The following HNF4G variants were observed in gnomAD, a reference collection of about 807,000 sequenced individuals.
HNF4G encodes the protein hepatocyte nuclear factor 4-gamma.
Under a neutral mutation model 50.9 loss-of-function variants are expected in HNF4G, and 21 were observed. That is an observed-to-expected ratio of 0.41 (90% CI 0.29 to 0.59). The LOEUF (loss-of-function observed/expected upper bound fraction) is 0.59. Among genes scored for constraint, HNF4G ranks in the 20% least tolerant of loss-of-function variants. HNF4G has a pLI of 0.26. For missense variants in HNF4G, 527 were observed against 559.4 expected, an observed-to-expected ratio of 0.94 and a Z score of 0.58; for synonymous variants, 198 against 185.6, an observed-to-expected ratio of 1.07 and a Z score of -0.54.
At chr8:75,546,771 G>A (rs1479051150) in intron 2 of HNF4G, among the ~76,000 whole-genome samples, 1 of 152,052 alleles carries the variant, frequency 6.6e-6, no homozygotes, top group African/African-American at 2.4e-5. Flanking sequence ...TCTATTATCA[G>A]TTGATAGGCA....
chr8:75,526,105 A>AATGT (rs1554577817), intron 2 of HNF4G, among the ~76,000 whole-genome samples: 1 of 143,818 alleles, frequency 7.0e-6, no homozygotes, highest in Non-Finnish European at 1.5e-5. Flanking sequence ...TACTTGCTCA[A>AATGT]ATTTATTTAT....
chr8:75,500,099 G>A (rs1812887367), intron 2 of HNF4G, among the ~76,000 whole-genome samples: 1 of 152,062 alleles, frequency 6.6e-6, no homozygotes, highest in African/African-American at 2.4e-5. Context: ...CATCGAATGG[G>A]AGATAATGTT....
intron 2 of HNF4G, 72 bp downstream of exon 2, chr8:75,544,051 G>A: frequency 7.4e-7 from 1 of 1,351,026 alleles, no homozygotes; most frequent in Non-Finnish European, 1.0e-6. Context: ...AGTAAGAGAA[G>A]AAAATTCAGA....
At position 75,461,870 on chromosome 8, in the gene HNF4G, C is replaced by CT. The variant is rs1811854252; in HGVS notation, c.-143-28216dup. On this transcript the variant is annotated intron_variant, in intron 1 of 10. Coordinates refer to the HNF4G transcript ENST00000354370. ...AATAGAAGTCATGTGAATATGGTCT[C>CT]TTTAAAAAAAAATAAATATATAAAT... Among the ~76,000 whole-genome samples, 25 of 93,218 alleles carry CT rather than the reference C, an allele frequency of 2.7e-4. No individual in the cohort carries two copies. In the South Asian group the frequency reaches 7.7e-3, roughly 29 times the overall value. 61.2% of individuals were successfully genotyped at this position (93,218 alleles called of 152,430 possible).
chr8:75,522,066 C>T (rs923735942), intron 2 of HNF4G, among the ~76,000 whole-genome samples: 2 of 152,174 alleles, frequency 1.3e-5, no homozygotes, highest in African/African-American at 2.4e-5. Flanking sequence ...AGTCAAGGAA[C>T]ATTTGTACTT....
chr8:75,560,303 G>C, intron 8 of HNF4G, 41 bp from the exon 9 acceptor site: 2 of 1,602,014 alleles, frequency 1.2e-6, no homozygotes, highest in Non-Finnish European at 1.7e-6. Flanking sequence ...TGCTGTTCCT[G>C]ATTAAATATC....
intron 1 of HNF4G, among the ~76,000 whole-genome samples, chr8:75,541,366 T>C (rs1806616496): frequency 6.6e-6 from 1 of 152,166 alleles, no homozygotes; most frequent in South Asian, 2.1e-4. Context: ...ATTTTTCATA[T>C]TTCTATATAG....
intron 1 of HNF4G, among the ~76,000 whole-genome samples, chr8:75,451,178 G>A (rs1811576642): frequency 6.6e-6 from 1 of 151,970 alleles, no homozygotes; most frequent in South Asian, 2.1e-4. Context: ...ATTTTGGGGG[G>A]ATTACTTGTT....
chr8:75,440,362 A>G (rs1811248915), intron 1 of HNF4G, among the ~76,000 whole-genome samples: 2 of 152,202 alleles, frequency 1.3e-5, no homozygotes, highest in South Asian at 4.1e-4. Flanking sequence ...GGTTGCAGCT[A>G]TCATTTCTAA....
chr8:75,439,712 C>T (rs544331021), intron 1 of HNF4G, among the ~76,000 whole-genome samples: 3 of 151,938 alleles, frequency 2.0e-5, no homozygotes, highest in Non-Finnish European at 2.9e-5. Context: ...ATGTCAAAAA[C>T]TTCAAACATT....
At chr8:75,460,783 G>A (rs567004933) in intron 1 of HNF4G, among the ~76,000 whole-genome samples, 10 of 152,138 alleles carry the variant, frequency 6.6e-5, no homozygotes, top group Admixed American at 4.6e-4. Flanking sequence ...ATCATGAAGT[G>A]GTTTCAATAT....
At chr8:75,541,426 A>G (rs981909081) in intron 1 of HNF4G, among the ~76,000 whole-genome samples, 1 of 152,118 alleles carries the variant, frequency 6.6e-6, no homozygotes, top group African/African-American at 2.4e-5. Context: ...CATATTGTCA[A>G]TATCTGTTTT....
At chr8:75,479,764 GA>G (rs937146266) in intron 1 of HNF4G, among the ~76,000 whole-genome samples, 69 of 148,372 alleles carry the variant, frequency 4.7e-4, no homozygotes, top group Admixed American at 8.7e-4. Context: ...TGAAAAATAT[GA>G]AAAAAAAAGA....
chr8:75,546,879 A>G (rs1806796463), intron 2 of HNF4G, among the ~76,000 whole-genome samples: 1 of 152,148 alleles, frequency 6.6e-6, no homozygotes, highest in Admixed American at 6.5e-5. Flanking sequence ...TTCTCTGCAT[A>G]CAGACCTAGC....
chr8:75,474,219 CT>C (rs1294934667), intron 1 of HNF4G, among the ~76,000 whole-genome samples: 5 of 152,156 alleles, frequency 3.3e-5, no homozygotes, highest in African/African-American at 4.8e-5. Context: ...TTAATAAATG[CT>C]TCTTTCTTTA....
chr8:75,526,024 A>G (rs1453908149), intron 2 of HNF4G, among the ~76,000 whole-genome samples: 1 of 152,140 alleles, frequency 6.6e-6, no homozygotes, highest in African/African-American at 2.4e-5. Context: ...GAAGCTAGAA[A>G]CTGAAATGTC....
intron 2 of HNF4G, among the ~76,000 whole-genome samples, chr8:75,529,963 T>TA (rs1450089069): frequency 7.2e-5 from 11 of 152,238 alleles, no homozygotes; most frequent in Admixed American, 2.6e-4. Context: ...AAGCTGGCGG[T>TA]AAGGCCAGGA....
chr8:75,452,924 TC>T (rs761493005), intron 1 of HNF4G, among the ~76,000 whole-genome samples: 15 of 152,306 alleles, frequency 9.8e-5, no homozygotes, highest in Admixed American at 2.0e-4. Flanking sequence ...TAATTTTGGT[TC>T]TTGAGCACAT....
intron 2 of HNF4G, among the ~76,000 whole-genome samples, chr8:75,495,807 A>G (rs1812754357): frequency 6.6e-6 from 1 of 152,108 alleles, no homozygotes; most frequent in Non-Finnish European, 1.5e-5. Context: ...TTAATTTTGT[A>G]TAATAAAATA....
Sources: allele counts gnomAD v4.1 joint callset (sites outside exome capture counted in the v4.1 genomes callset), GRCh38; gene constraint gnomAD v4.1.1; transcripts MANE v1.5; gene names NCBI Gene and HGNC (gene_info 2026-07-23, HGNC 2026-07-21).